Variants in PYY observed in about 807,000 individuals in gnomAD.
The protein encoded by PYY is peptide tyrosine tyrosine.
In PYY, 12 loss-of-function variants were observed where a neutral mutation model predicts 10.3. The ratio of observed to expected loss-of-function variants is 1.17; its 90% CI spans 0.75 to 1.89. The LOEUF (loss-of-function observed/expected upper bound fraction) is 1.89, where lower values mean the gene tolerates loss of function less well. Among genes scored for constraint, PYY ranks in the 40% most tolerant of loss-of-function variants. The pLI, the probability that PYY is intolerant of heterozygous loss-of-function variation, is 0.00. For synonymous variants in PYY, 66 were observed against 62.0 expected, an observed-to-expected ratio of 1.06 and a Z score of -0.30; for missense variants, 141 against 134.0, an observed-to-expected ratio of 1.05 and a Z score of -0.26.
chr17:43,976,273 G>GTATATACACATATACATGTA (rs2048841797), intron 1 of PYY, among the ~76,000 whole-genome samples: 1 of 103,982 alleles, frequency 9.6e-6, no homozygotes, highest in African/African-American at 4.3e-5. Context: ...ATACATGTAC[G>GTATATACACATATACATGTA]TATATATACG....
intron 2 of PYY, among the ~76,000 whole-genome samples, chr17:43,963,630 A>AAGAAAGAAAG (rs1567928014): frequency 3.4e-5 from 5 of 145,358 alleles, no homozygotes; most frequent in Non-Finnish European, 7.6e-5. Context: ...AAGAAAGAGA[A>AAGAAAGAAAG]AGAAAGAAAA....
chr17:43,994,878 C>T (rs1567938367), intron 1 of PYY, among the ~76,000 whole-genome samples: 1 of 152,170 alleles, frequency 6.6e-6, no homozygotes, highest in Non-Finnish European at 1.5e-5. Context: ...GGCCAGGGCC[C>T]CGGGGGAAAG....
chr17:43,981,534 G>A (rs565578574), intron 1 of PYY, among the ~76,000 whole-genome samples: 82 of 152,114 alleles, frequency 5.4e-4, no homozygotes, highest in African/African-American at 1.9e-3. Flanking sequence ...CTGTCGCCCA[G>A]GCTGGAGTGT....
intron 1 of PYY, among the ~76,000 whole-genome samples, chr17:43,976,104 C>T (rs568162173): frequency 9.5e-6 from 1 of 104,782 alleles, no homozygotes; most frequent in African/African-American, 4.1e-5. Flanking sequence ...TGCATATATA[C>T]GTGTATACAT....
upstream of PYY, among the ~76,000 whole-genome samples, chr17:43,954,334 C>A (rs1040599294): frequency 6.6e-6 from 1 of 152,146 alleles, no homozygotes; most frequent in South Asian, 2.1e-4. Context: ...GACACATTCC[C>A]TCCAGTCCGT....
intron 1 of PYY, among the ~76,000 whole-genome samples, chr17:43,973,234 T>C (rs2048807319): frequency 6.6e-6 from 1 of 152,154 alleles, no homozygotes; most frequent in Non-Finnish European, 1.5e-5. Context: ...AAAGATAAAT[T>C]CCTGGCTTCC....
upstream of PYY, among the ~76,000 whole-genome samples, chr17:43,958,885 A>G (rs73986649): frequency 8.6e-3 from 1,315 of 152,350 alleles, 18 homozygotes; most frequent in African/African-American, 0.03. Flanking sequence ...CTGATGAAAT[A>G]TGAGTGCATA....
intron 1 of PYY, among the ~76,000 whole-genome samples, chr17:43,979,546 A>T (rs944018156): frequency 1.3e-5 from 2 of 152,052 alleles, no homozygotes; most frequent in Non-Finnish European, 2.9e-5. Context: ...GATGAAAAAA[A>T]AAAAAGCTGT....
intron 1 of PYY, among the ~76,000 whole-genome samples, chr17:43,975,482 C>G (rs938330581): frequency 6.6e-6 from 1 of 151,728 alleles, no homozygotes; most frequent in Non-Finnish European, 1.5e-5. Context: ...CCAAGTTGGG[C>G]GGATTGCTTG....
intron 1 of PYY, among the ~76,000 whole-genome samples, chr17:44,001,266 C>T (rs2049024818): frequency 6.6e-6 from 1 of 152,172 alleles, no homozygotes; most frequent in African/African-American, 2.4e-5. Context: ...GCTCGGGGCC[C>T]AGGACCCTTC....
intron 1 of PYY, among the ~76,000 whole-genome samples, chr17:43,984,246 C>T (rs909341235): frequency 3.9e-5 from 6 of 152,200 alleles, no homozygotes; most frequent in African/African-American, 1.4e-4. Flanking sequence ...GGGATGTGGC[C>T]TCGGCCTGGC....
At chr17:43,989,178 T>C (rs182951984) in intron 1 of PYY, among the ~76,000 whole-genome samples, 3,054 of 151,936 alleles carry the variant, frequency 0.02, 64 homozygotes, top group Non-Finnish European at 0.023. Context: ...ATCAAGACCA[T>C]CCTGGCTAAC....
chr17:43,992,705 C>CA (rs898110304), intron 1 of PYY, among the ~76,000 whole-genome samples: 15 of 151,230 alleles, frequency 9.9e-5, no homozygotes, highest in Non-Finnish European at 2.1e-4. Flanking sequence ...GAAACTCCAT[C>CA]AAAAAAAATA....
At chr17:43,981,253 G>A (rs926651165) in intron 1 of PYY, among the ~76,000 whole-genome samples, 3 of 152,126 alleles carry the variant, frequency 2.0e-5, no homozygotes, top group African/African-American at 7.2e-5. Context: ...GAATTGCTGG[G>A]TTATAGGGTG....
At chr17:43,974,388 T>C (rs1447905122) in intron 1 of PYY, among the ~76,000 whole-genome samples, 1 of 151,802 alleles carries the variant, frequency 6.6e-6, no homozygotes, top group Non-Finnish European at 1.5e-5. Context: ...CGCAGGCACC[T>C]TTGGAGGGAG....
chr17:43,994,852 G>A (rs932967136), intron 1 of PYY, among the ~76,000 whole-genome samples: 2 of 152,212 alleles, frequency 1.3e-5, no homozygotes, highest in African/African-American at 4.8e-5. Flanking sequence ...GGAGGGCGCT[G>A]GCTGGGGCCG....
chr17:43,961,601 C>T (rs1243190562), intron 2 of PYY, among the ~76,000 whole-genome samples: 5 of 152,014 alleles, frequency 3.3e-5, no homozygotes, highest in South Asian at 4.1e-4. Context: ...AGTGCAGTGG[C>T]GCAATCTCAG....
intron 3 of PYY, 58 bp from the exon 4 acceptor site, chr17:43,953,038 T>C (rs1366904231): frequency 1.3e-6 from 2 of 1,591,560 alleles, no homozygotes; most frequent in Non-Finnish European, 1.7e-6. Flanking sequence ...GAGACGTCGT[T>C]AAGTGATGTT....
intron 1 of PYY, 118 bp from the exon 2 acceptor site, chr17:43,953,601 G>T: frequency 1.0e-6 from 1 of 986,054 alleles, no homozygotes; most frequent in Non-Finnish European, 1.5e-6. Flanking sequence ...ACCGGACCAA[G>T]GCTCAGCCAC....
Sources: gnomAD v4.1 joint callset for allele counts (sites outside exome capture counted in the v4.1 genomes callset) on GRCh38, gnomAD v4.1.1 for gene constraint, MANE v1.5 for transcripts, NCBI Gene and HGNC (gene_info 2026-07-23, HGNC 2026-07-21) for gene names.